ATAT1: variants seen among roughly 807,000 people sequenced by gnomAD.
ATAT1 encodes alpha-tubulin N-acetyltransferase 1.
ATAT1 carries 42 observed loss-of-function variants against 57.2 expected under a neutral mutation model. The observed-to-expected ratio is 0.73, with a 90% CI of 0.57 to 0.95. The LOEUF is 0.95. Ranked by LOEUF, ATAT1 falls within the 40% of genes least tolerant of loss-of-function variation. ATAT1 has a pLI of 0.00. For missense variants in ATAT1, 454 were observed against 523.7 expected (o/e 0.87, Z 1.30); for synonymous variants, 168 against 187.1 (o/e 0.90, Z 0.83).
intron 6 of ATAT1, among the ~76,000 whole-genome samples, chr6:30,635,089 G>A (rs1490068027): frequency 2.0e-5 from 3 of 152,194 alleles, no homozygotes; most frequent in African/African-American, 7.2e-5. Flanking sequence ...GTGTGAGATG[G>A]TTAAAAAGGC....
At chr6:30,628,180 A>AG (rs1762075082) in intron 5 of ATAT1, 35 bp downstream of exon 5, 2 of 1,590,180 alleles carry the variant, frequency 1.3e-6, no homozygotes, top group Admixed American at 3.3e-5. Flanking sequence ...CATCCAAACT[A>AG]GGGGCTCCTT....
chr6:30,639,161 T>C (rs887928505), intron 6 of ATAT1, among the ~76,000 whole-genome samples: 1 of 152,062 alleles, frequency 6.6e-6, no homozygotes, highest in African/African-American at 2.4e-5. Context: ...TTTGTATTTA[T>C]AATAGACACA....
intron 10 of ATAT1, among the ~76,000 whole-genome samples, chr6:30,645,133 A>G (rs1018982178): frequency 6.6e-5 from 10 of 151,800 alleles, no homozygotes; most frequent in South Asian, 6.3e-4. Flanking sequence ...ACAGTCTGTC[A>G]CCCTATTTAC....
chr6:30,642,833 G>GGGGCCCCC lies in ATAT1; in HGVS notation c.754_755insGGGCCCCC (p.Ala252GlyfsTer70). On this transcript the variant is annotated frameshift_variant, in exon 10 of 13. Transcript: ENST00000330083. LOFTEE classifies it high-confidence loss of function. ...GGCCCCTCGCCGCGCCACACCTCCA[G>GGGGCCCCC]CCCACCCACCCCCCCGCTCCAGCAG... is the stretch of plus-strand genomic sequence containing the variant. The GGGGCCCCC allele has an allele frequency of 2.0e-6, 3 of 1,537,858 alleles. No individual in the cohort carries two copies. The highest frequency in any genetic ancestry group is 2.6e-6 in the Non-Finnish European group (3 of 1,145,770).
At chr6:30,644,390 T>C (rs996749719) in intron 10 of ATAT1, 26 of 985,078 alleles carry the variant, frequency 2.6e-5, no homozygotes, top group Non-Finnish European at 3.1e-5. Flanking sequence ...CGAGATGAGA[T>C]GGGGGACCAC....
At position 30,642,832 on chromosome 6, in the gene ATAT1, A is replaced by AGGGGGGGCC; in HGVS notation, c.754_755insGGGGGGCCG (p.Pro251_Ala252insGlyGlyAla). 6 of 1,230,734 alleles carry AGGGGGGGCC rather than the reference A, an allele frequency of 4.9e-6. No homozygotes were observed. Among genetic ancestry groups the AGGGGGGGCC allele is most frequent in the Non-Finnish European group, 6.7e-6 (6 of 892,676 alleles). The allele number at this position is 1,230,734 out of a possible 1,614,324, so 76.2% of individuals were successfully genotyped here. A position where few individuals can be genotyped will look rare whatever the true frequency, so the allele number is the denominator to read the frequency against. On this transcript the variant is annotated inframe_insertion, in exon 10 of 13. Coordinates refer to ENST00000330083, the MANE Select transcript of ATAT1 (RefSeq NM_001031722.4). ...GGGCCCCTCGCCGCGCCACACCTCC[A>AGGGGGGGCC]GCCCACCCACCCCCCCGCTCCAGCA...
At chr6:30,641,831 G>T in intron 8 of ATAT1, 1 of 1,107,292 alleles carries the variant, frequency 9.0e-7, no homozygotes, top group Non-Finnish European at 1.1e-6. Context: ...CCATTCCACT[G>T]CCCCAGAATA....
At chr6:30,628,513 T>C (rs756088315) in intron 6 of ATAT1, 83 bp downstream of exon 6, 46 of 1,142,056 alleles carry the variant, frequency 4.0e-5, no homozygotes, top group Middle Eastern at 2.0e-4. Flanking sequence ...TAGTGACTTA[T>C]TTCCTATCAC....
At chr6:30,633,282 G>T (rs941914656) in intron 6 of ATAT1, among the ~76,000 whole-genome samples, 7 of 152,182 alleles carry the variant, frequency 4.6e-5, no homozygotes, top group African/African-American at 1.7e-4. Context: ...GATATGTCCA[G>T]GTTTGAGTAG....
At position 30,628,412 on chromosome 6, in the gene ATAT1, G is replaced by A. The variant is rs1215098198; in HGVS notation, c.483G>A (p.Leu161=). 2.5e-6 allele frequency: 4 copies of A among 1,612,118 alleles called. No individual in the cohort carries two copies. Among genetic ancestry groups the A allele is most frequent in the Non-Finnish European group, 3.4e-6 (4 of 1,179,322 alleles). Reference sequence around the variant, plus strand: ...AATTCCTGAATAAGCACTACAATCTGGAGACCACAGTCCCACAGGTTAGAG... The same window carrying A: ...AATTCCTGAATAAGCACTACAATCTAGAGACCACAGTCCCACAGGTTAGAG... Residue 161 remains leucine, a synonymous_variant, in exon 6 of 13, where the codon CTG becomes CTA. Transcript: ENST00000330083.
intron 10 of ATAT1, chr6:30,643,651 T>C: frequency 6.5e-7 from 1 of 1,546,058 alleles, no homozygotes; most frequent in Non-Finnish European, 8.7e-7. Context: ...TTGCATCCTG[T>C]AGGACCCAGT....
Position 30,645,908 on chromosome 6 carries a change from G to A in ATAT1, c.946G>A (p.Gly316Ser), listed in dbSNP as rs752577009. Residue 316 changes from glycine (G) to serine (S), a missense_variant, in exon 11 of 13, where the codon GGT becomes AGT. Around this residue, in one of 3 missense-constraint regions of ATAT1, gnomAD observed 216 missense variants for 222.2 expected, o/e 0.97. Transcript: ENST00000330083. ...TTTCTTCTACAGGGGGACTCCCCCA[G>A]GTCTGGTAGCCCAAAGCTGCTGCTA... The A allele has an allele frequency of 6.6e-6, 10 of 1,506,258 alleles. No individual in the cohort carries two copies. The highest frequency in any genetic ancestry group is 8.9e-6 in the Non-Finnish European group (10 of 1,128,552). 93.3% of individuals were successfully genotyped at this position (1,506,258 alleles called of 1,614,324 possible).
chr6:30,645,149 C>T (rs1224714812), intron 10 of ATAT1, among the ~76,000 whole-genome samples: 2 of 152,122 alleles, frequency 1.3e-5, no homozygotes, highest in Admixed American at 1.3e-4. Flanking sequence ...TTTACAGAGG[C>T]CCCCTTCCTT....
intron 6 of ATAT1, among the ~76,000 whole-genome samples, chr6:30,637,027 C>G (rs576589271): frequency 6.6e-6 from 1 of 152,142 alleles, no homozygotes; most frequent in Non-Finnish European, 1.5e-5. Context: ...TCTCGAACTT[C>G]TGACCTCAAG....
At position 30,646,574 on chromosome 6, in the gene ATAT1, G is replaced by A; in HGVS notation, c.1161G>A (p.Val387=). 6.3e-7 allele frequency: 1 copy of A among 1,580,714 alleles called. No individual in the cohort carries two copies. Among genetic ancestry groups the A allele is most frequent in the Non-Finnish European group, 8.6e-7 (1 of 1,163,742 alleles). The stretch of plus-strand genomic sequence containing the variant: ...CCCCGCCAGCCCAGTCCTGGACAGT[G>A]GGTGGGGACATACTCAACGCCAGGT... Residue 387 remains valine, a synonymous_variant, in exon 13 of 13, where the codon GTG becomes GTA. Transcript: ENST00000330083.
intron 6 of ATAT1, among the ~76,000 whole-genome samples, chr6:30,632,064 T>G (rs1357710148): frequency 6.6e-6 from 1 of 151,906 alleles, no homozygotes; most frequent in East Asian, 1.9e-4. Context: ...ATCCCAGCAC[T>G]TTGGGAGGCC....
At chr6:30,644,628 T>C in intron 10 of ATAT1, 3 of 985,454 alleles carry the variant, frequency 3.0e-6, no homozygotes, top group Non-Finnish European at 3.6e-6. Context: ...TGAAATCTTT[T>C]GTGTTTTCTA....
At chr6:30,633,802 G>T in intron 6 of ATAT1, 1 of 176,556 alleles carries the variant, frequency 5.7e-6, no homozygotes, top group South Asian at 1.4e-4. Context: ...GGAACAGGGT[G>T]GGGAGAAAGA....
chr6:30,645,219 CT>C (rs11312231), intron 10 of ATAT1, among the ~76,000 whole-genome samples: 6,778 of 142,650 alleles, frequency 0.048, 252 homozygotes, highest in African/African-American at 0.1. Flanking sequence ...TCTAAGGAAT[CT>C]TTTTTTTTTT....
Sources: gnomAD v4.1 joint callset for allele counts (sites outside exome capture counted in the v4.1 genomes callset) on GRCh38, gnomAD v4.1.1 for gene constraint, gnomAD v4.1.1 regional missense constraint, MANE v1.5 for transcripts, NCBI Gene and HGNC (gene_info 2026-07-23, HGNC 2026-07-21) for gene names.